ZFAND6: variants seen among roughly 807,000 people sequenced by gnomAD.
ZFAND6 encodes the protein AN1-type zinc finger protein 6.
In ZFAND6, 12 loss-of-function variants were observed where a neutral mutation model predicts 24.5. The ratio of observed to expected loss-of-function variants is 0.49; its 90% CI spans 0.31 to 0.79. The LOEUF is 0.79. Among genes scored for constraint, ZFAND6 ranks in the 30% least tolerant of loss-of-function variants. The pLI, the probability that ZFAND6 is intolerant of heterozygous loss-of-function variation, is 0.04. For missense variants in ZFAND6, 207 were observed against 245.9 expected (o/e 0.84, Z 1.06); for synonymous variants, 92 against 81.5 (o/e 1.13, Z -0.69).
intron 5 of ZFAND6, chr15:80,130,461 G>A (rs964241256): frequency 6.6e-6 from 1 of 152,124 alleles, no homozygotes; most frequent in African/African-American, 2.4e-5. Context: ...AGAGCAAAAT[G>A]TCACGTCTGC....
At chr15:80,083,345 CATA>C (rs2037795268) in intron 1 of ZFAND6, among the ~76,000 whole-genome samples, 1 of 152,114 alleles carries the variant, frequency 6.6e-6, no homozygotes. Flanking sequence ...TGGTATTATC[CATA>C]ATAATAAATT....
intron 1 of ZFAND6, among the ~76,000 whole-genome samples, chr15:80,068,435 G>A (rs1188438772): frequency 6.6e-6 from 1 of 150,976 alleles, no homozygotes; most frequent in East Asian, 2.0e-4. Context: ...ACAGTGGCAC[G>A]ATCTCGGCTA....
chr15:80,062,532 A>T (rs1484444629), intron 1 of ZFAND6, among the ~76,000 whole-genome samples: 4 of 152,158 alleles, frequency 2.6e-5, no homozygotes, highest in African/African-American at 9.7e-5. Flanking sequence ...TATGTGTTTC[A>T]TGTTTCATTC....
intron 1 of ZFAND6, among the ~76,000 whole-genome samples, chr15:80,086,557 T>C (rs890957310): frequency 1.3e-5 from 2 of 152,228 alleles, no homozygotes; most frequent in East Asian, 1.9e-4. Context: ...ATTTGCCCTT[T>C]CTTGACATTT....
chr15:80,123,331 G>A (rs2040230487), intron 5 of ZFAND6, among the ~76,000 whole-genome samples: 1 of 152,148 alleles, frequency 6.6e-6, no homozygotes. Context: ...AGTGATCTAG[G>A]AAGACTTGAA....
intron 1 of ZFAND6, among the ~76,000 whole-genome samples, chr15:80,097,673 A>AATAC (rs1555431380): frequency 0.01 from 1,510 of 150,604 alleles, 13 homozygotes; most frequent in Non-Finnish European, 0.015. Context: ...TAAATAAATA[A>AATAC]ATACATACAT....
chr15:80,091,246 G>A (rs1318711865), intron 1 of ZFAND6, among the ~76,000 whole-genome samples: 1 of 151,958 alleles, frequency 6.6e-6, no homozygotes, highest in Non-Finnish European at 1.5e-5. Context: ...ATCAGAATGG[G>A]GTGAGAAGGA....
intron 1 of ZFAND6, among the ~76,000 whole-genome samples, chr15:80,096,045 A>G: frequency 6.6e-6 from 1 of 152,208 alleles, no homozygotes; most frequent in East Asian, 1.9e-4. Context: ...CAAGAGCACC[A>G]GGTTTTGGAG....
At chr15:80,126,785 T>G (rs1254213307) in intron 5 of ZFAND6, among the ~76,000 whole-genome samples, 1 of 152,168 alleles carries the variant, frequency 6.6e-6, no homozygotes, top group Non-Finnish European at 1.5e-5. Context: ...ATAGATAAAT[T>G]GAGCTACATC....
chr15:80,089,274 T>TTG (rs2038200942), intron 1 of ZFAND6, among the ~76,000 whole-genome samples: 2 of 141,262 alleles, frequency 1.4e-5, no homozygotes, highest in Admixed American at 7.1e-5. Flanking sequence ...TTTTTTTTTT[T>TTG]TTTTTTTTTT....
intron 2 of ZFAND6, among the ~76,000 whole-genome samples, chr15:80,111,110 C>CA (rs1436439095): frequency 1.3e-5 from 2 of 152,224 alleles, no homozygotes; most frequent in Non-Finnish European, 2.9e-5. Flanking sequence ...TAAGACACCA[C>CA]AGATATATTT....
At chr15:80,128,591 A>G (rs993167451) in intron 5 of ZFAND6, among the ~76,000 whole-genome samples, 7 of 152,202 alleles carry the variant, frequency 4.6e-5, no homozygotes, top group Admixed American at 2.0e-4. Flanking sequence ...AAATAGTACT[A>G]TATCATCTTG....
Position 80,108,568 on chromosome 15 carries a change from T to A in ZFAND6, c.-18+9990T>A, listed in dbSNP as rs188735587. 2.4e-4 allele frequency among the ~76,000 whole-genome samples: 37 copies of A among 152,314 alleles called. No homozygotes were observed. In the East Asian group the frequency reaches 6.7e-3, roughly 28 times the overall value. ...TCTTTAAGGTATGTGATATGAAACC[T>A]AGGTCAGTTTGAGAATATGAAATTC... is the stretch of plus-strand genomic sequence containing the variant. On this transcript the variant is annotated intron_variant, in intron 2 of 6. Transcript: ENST00000261749.
At chr15:80,115,919 C>A (rs2039854273) in intron 2 of ZFAND6, among the ~76,000 whole-genome samples, 1 of 151,988 alleles carries the variant, frequency 6.6e-6, no homozygotes, top group Admixed American at 6.6e-5. Flanking sequence ...ATATATTTAT[C>A]CTTTTACTGT....
chr15:80,135,144 G>T (rs1039124454), intron 6 of ZFAND6, among the ~76,000 whole-genome samples: 1 of 152,162 alleles, frequency 6.6e-6, no homozygotes, highest in Non-Finnish European at 1.5e-5. Context: ...AGACTTTTAT[G>T]ATGATCGACT....
intron 1 of ZFAND6, among the ~76,000 whole-genome samples, chr15:80,072,969 A>T: frequency 6.6e-6 from 1 of 151,918 alleles, no homozygotes; most frequent in East Asian, 1.9e-4. Context: ...TATAAATGAC[A>T]TCTTGAGGAG....
intron 1 of ZFAND6, among the ~76,000 whole-genome samples, chr15:80,097,419 A>C (rs1291911534): frequency 6.6e-6 from 1 of 152,112 alleles, no homozygotes; most frequent in Non-Finnish European, 1.5e-5. Flanking sequence ...AAGCCAAGGC[A>C]GGTGGATCAC....
intron 1 of ZFAND6, among the ~76,000 whole-genome samples, chr15:80,086,032 TTTTA>T (rs1220899238): frequency 4.2e-4 from 64 of 152,124 alleles, no homozygotes; most frequent in Non-Finnish European, 3.7e-4. Context: ...AAAAATTTTA[TTTTA>T]TTTATTTATT....
At chr15:80,071,460 TTAA>T (rs1241762545) in intron 1 of ZFAND6, among the ~76,000 whole-genome samples, 2 of 152,192 alleles carry the variant, frequency 1.3e-5, no homozygotes, top group East Asian at 1.9e-4. Flanking sequence ...CAGATAATGA[TTAA>T]TGTTAGAGTA....
Sources: gnomAD v4.1 joint callset for allele counts (sites outside exome capture counted in the v4.1 genomes callset) on GRCh38, gnomAD v4.1.1 for gene constraint, MANE v1.5 for transcripts, NCBI Gene and HGNC (gene_info 2026-07-23, HGNC 2026-07-21) for gene names.